ASCC3: variants seen among roughly 807,000 people sequenced by gnomAD.
ASCC3 encodes activating signal cointegrator 1 complex subunit 3.
Under a neutral mutation model 256.3 loss-of-function variants are expected in ASCC3, and 158 were observed. The observed-to-expected ratio is 0.62, with a 90% confidence interval of 0.54 to 0.70. The LOEUF (loss-of-function observed/expected upper bound fraction) is 0.70. Among genes scored for constraint, ASCC3 ranks in the 30% least tolerant of loss-of-function variants. The pLI is 0.00. For synonymous variants in ASCC3, 948 were observed against 883.4 expected (o/e 1.07, Z -1.30); for missense variants, 2,259 against 2,626.0 (o/e 0.86, Z 3.05).
intron 37 of ASCC3, among the ~76,000 whole-genome samples, chr6:100,533,882 A>G (rs1775033798): frequency 6.6e-6 from 1 of 152,216 alleles, no homozygotes; most frequent in South Asian, 2.1e-4. Context: ...AGCAAGAATA[A>G]AAGTCCTGGA....
intron 5 of ASCC3, among the ~76,000 whole-genome samples, chr6:100,805,517 G>A (rs780875469): frequency 6.6e-6 from 1 of 151,992 alleles, no homozygotes; most frequent in African/African-American, 2.4e-5. Context: ...AATAAAAGAA[G>A]AAAGTTGTGT....
intron 36 of ASCC3, among the ~76,000 whole-genome samples, chr6:100,579,830 A>G (rs570960458): frequency 2.0e-5 from 3 of 152,192 alleles, no homozygotes; most frequent in South Asian, 4.1e-4. Context: ...GGATCCATAT[A>G]AAGTTTGAAT....
At chr6:100,556,687 G>T (rs1769593041) in intron 36 of ASCC3, among the ~76,000 whole-genome samples, 1 of 151,986 alleles carries the variant, frequency 6.6e-6, no homozygotes, top group Admixed American at 6.6e-5. Flanking sequence ...TGCAAACGGT[G>T]GTTTAAAACA....
At chr6:100,649,746 A>C (rs1775562090) in intron 20 of ASCC3, among the ~76,000 whole-genome samples, 1 of 151,602 alleles carries the variant, frequency 6.6e-6, no homozygotes, top group Non-Finnish European at 1.5e-5. Context: ...ATTAAGCTTT[A>C]ATTTCTTCTT....
At position 100,799,414 on chromosome 6, in the gene ASCC3, A is replaced by G; in HGVS notation, c.1269+17T>C. 6.2e-7 allele frequency: 1 copy of G among 1,610,530 alleles called. No individual in the cohort carries two copies. Among genetic ancestry groups the G allele is most frequent in the Non-Finnish European group, 8.5e-7 (1 of 1,178,716 alleles). ...ATAGACATATTATTGAACAGTAGTT[A>G]TATAACAATGACATACCTTTGCACC... On this transcript the variant is annotated intron_variant, in intron 7 of 41. Transcript: ENST00000369162.
intron 30 of ASCC3, among the ~76,000 whole-genome samples, chr6:100,617,165 C>T (rs776811733): frequency 4.9e-4 from 75 of 152,128 alleles, no homozygotes; most frequent in Non-Finnish European, 8.5e-4. Context: ...CCACCATGCT[C>T]AGCTAATTTT....
intron 4 of ASCC3, among the ~76,000 whole-genome samples, chr6:100,847,129 T>A (rs926659878): frequency 2.6e-5 from 4 of 152,108 alleles, no homozygotes; most frequent in Admixed American, 6.6e-5. Context: ...TATTCAGAAG[T>A]GAAAGTAATG....
chr6:100,665,904 G>A (rs1776448709), intron 14 of ASCC3, among the ~76,000 whole-genome samples: 1 of 151,894 alleles, frequency 6.6e-6, no homozygotes, highest in Non-Finnish European at 1.5e-5. Flanking sequence ...TTAGATTTGT[G>A]TAGCTACCAT....
At chr6:100,731,651 G>A (rs765168064) in intron 10 of ASCC3, among the ~76,000 whole-genome samples, 23 of 152,110 alleles carry the variant, frequency 1.5e-4, no homozygotes, top group Non-Finnish European at 2.2e-4. Flanking sequence ...AGACCTAATC[G>A]TTACAATTGG....
chr6:100,677,067 G>T (rs12665693), intron 14 of ASCC3, among the ~76,000 whole-genome samples: 6,444 of 152,080 alleles, frequency 0.042, 238 homozygotes, highest in East Asian at 0.19. Flanking sequence ...AACATGGGAG[G>T]AAATGTCTCC....
intron 8 of ASCC3, among the ~76,000 whole-genome samples, chr6:100,777,533 C>T (rs550796069): frequency 6.6e-6 from 1 of 152,154 alleles, no homozygotes; most frequent in South Asian, 2.1e-4. Context: ...CCTATGAATA[C>T]ATTTTAATAG....
At chr6:100,844,603 TA>T (rs1448521734) in intron 4 of ASCC3, among the ~76,000 whole-genome samples, 3 of 152,076 alleles carry the variant, frequency 2.0e-5, no homozygotes, top group African/African-American at 7.2e-5. Context: ...AATGCACTTC[TA>T]AAAGTGAATA....
At chr6:100,585,673 C>T (rs1314351722) in intron 36 of ASCC3, among the ~76,000 whole-genome samples, 4 of 142,036 alleles carry the variant, frequency 2.8e-5, no homozygotes, top group Non-Finnish European at 6.0e-5. Flanking sequence ...TTAGAGTTTC[C>T]AGATTTTCTG....
chr6:100,604,395 A>T (rs922104847), intron 33 of ASCC3, among the ~76,000 whole-genome samples: 8 of 151,554 alleles, frequency 5.3e-5, no homozygotes, highest in Non-Finnish European at 1.2e-4. Flanking sequence ...TTTGAGTTTA[A>T]TTCGCTATTT....
chr6:100,512,694 A>C lies in ASCC3; in HGVS notation c.6285+15T>G. 1 of 1,613,296 alleles carries C rather than the reference A, an allele frequency of 6.2e-7. No individual in the cohort carries two copies. On this transcript the variant is annotated intron_variant, in intron 40 of 41. Coordinates refer to ENST00000369162, the MANE Select transcript of ASCC3 (RefSeq NM_006828.4). ...TTGGTGTGAAATATTTGAGAATGGA[A>C]ACCAAACACTATACCTTGTGGAACC...
At chr6:100,793,285 A>G (rs916057033) in intron 8 of ASCC3, among the ~76,000 whole-genome samples, 1 of 152,018 alleles carries the variant, frequency 6.6e-6, no homozygotes, top group African/African-American at 2.4e-5. Context: ...CATGAAGGCA[A>G]GAAAGTTAAA....
rs1481641149 is a variant in ASCC3 at position 100,800,648 on chromosome 6, T to G, written c.923-144A>C. 4.4e-6 allele frequency: 3 copies of G among 678,806 alleles called. No individual in the cohort carries two copies. In the East Asian group the frequency reaches 8.4e-5, roughly 19 times the overall value. The allele number at this position is 678,806 out of a possible 1,614,324, so 42.0% of individuals were successfully genotyped here. A position where few individuals can be genotyped will look rare whatever the true frequency, so the allele number is the denominator to read the frequency against. On this transcript the variant is annotated intron_variant, in intron 5 of 41. Transcript: ENST00000369162. The stretch of plus-strand genomic sequence containing the variant: ...AAGCTGGCAAATTCAATTATATGTT[T>G]TAAGGTGAGTTTTTAAAAATCACAG...
chr6:100,846,191 G>A (rs768076196), intron 4 of ASCC3, among the ~76,000 whole-genome samples: 6 of 152,192 alleles, frequency 3.9e-5, no homozygotes, highest in East Asian at 1.9e-4. Flanking sequence ...AAGAACAACC[G>A]CAGTGAAACA....
intron 36 of ASCC3, among the ~76,000 whole-genome samples, chr6:100,571,585 G>A (rs142415639): frequency 2.6e-5 from 4 of 152,210 alleles, no homozygotes; most frequent in Non-Finnish European, 5.9e-5. Flanking sequence ...ACTGATTATT[G>A]CAAATAAGCA....
Sources: allele counts gnomAD v4.1 joint callset (sites outside exome capture counted in the v4.1 genomes callset), GRCh38; gene constraint gnomAD v4.1.1; transcripts MANE v1.5; gene names NCBI Gene and HGNC (gene_info 2026-07-23, HGNC 2026-07-21).